Variants in ATP9A observed in about 807,000 individuals in gnomAD.
ATP9A encodes probable phospholipid-transporting ATPase IIA.
In ATP9A, 52 loss-of-function variants were observed where a neutral mutation model predicts 144.1. That is an observed-to-expected ratio of 0.36 (90% CI 0.29 to 0.45). The LOEUF (loss-of-function observed/expected upper bound fraction) is 0.45, where lower values mean the gene tolerates loss of function less well. ATP9A is among the 20% of genes least tolerant of loss of function. ATP9A has a pLI of 1.00. For missense variants in ATP9A, 947 were observed against 1,392.7 expected (o/e 0.68, Z 5.09); for synonymous variants, 582 against 557.4 (o/e 1.04, Z -0.62).
chr20:51,766,660 T>C (rs1200097054), intron 1 of ATP9A, among the ~76,000 whole-genome samples: 2 of 151,906 alleles, frequency 1.3e-5, no homozygotes, highest in Non-Finnish European at 2.9e-5. Flanking sequence ...GCCAAGATGG[T>C]GAAACCCCCG....
At chr20:51,659,905 CTT>C (rs2077404129) in intron 13 of ATP9A, among the ~76,000 whole-genome samples, 1 of 152,228 alleles carries the variant, frequency 6.6e-6, no homozygotes, top group Admixed American at 6.5e-5. Flanking sequence ...ACGAGTTTCA[CTT>C]CCAGGCCAAA....
intron 27 of ATP9A, 126 bp downstream of exon 27, chr20:51,604,691 G>GA: frequency 1.2e-6 from 1 of 813,098 alleles, no homozygotes; most frequent in Non-Finnish European, 1.8e-6. Context: ...AGCTGAGCGG[G>GA]AAGGACTGCT....
chr20:51,696,543 G>A (rs1568825236), intron 5 of ATP9A, among the ~76,000 whole-genome samples: 6 of 152,066 alleles, frequency 3.9e-5, no homozygotes, highest in Admixed American at 3.9e-4. Flanking sequence ...CCAGCTTGAT[G>A]TTTGGCTTTT....
At chr20:51,628,045 T>C (rs1383490176) in intron 16 of ATP9A, among the ~76,000 whole-genome samples, 1 of 152,188 alleles carries the variant, frequency 6.6e-6, no homozygotes, top group African/African-American at 2.4e-5. Context: ...CAATCAATGA[T>C]GGCTGAGGAG....
intron 3 of ATP9A, among the ~76,000 whole-genome samples, chr20:51,723,657 A>G (rs1050315383): frequency 6.7e-6 from 1 of 150,372 alleles, no homozygotes; most frequent in African/African-American, 2.4e-5. Flanking sequence ...CCCGGATTCA[A>G]GCGATTCTCC....
intron 9 of ATP9A, among the ~76,000 whole-genome samples, chr20:51,680,660 C>T (rs980728935): frequency 4.0e-5 from 6 of 151,896 alleles, no homozygotes; most frequent in African/African-American, 1.2e-4. Flanking sequence ...ACCTGTTAAC[C>T]GAGAGGCAAG....
chr20:51,660,466 C>G (rs2077406170), intron 13 of ATP9A, among the ~76,000 whole-genome samples: 2 of 152,330 alleles, frequency 1.3e-5, no homozygotes, highest in South Asian at 4.1e-4. Flanking sequence ...AGGAGACCAT[C>G]TGACAACGAA....
At chr20:51,725,721 G>T in intron 3 of ATP9A, 98 bp downstream of exon 3, 1 of 825,744 alleles carries the variant, frequency 1.2e-6, no homozygotes, top group Non-Finnish European at 2.0e-6. Context: ...TCCCTTACAA[G>T]GCCACCATCC....
intron 4 of ATP9A, 88 bp downstream of exon 4, chr20:51,712,878 G>A (rs539505556): frequency 2.9e-4 from 351 of 1,213,056 alleles, no homozygotes; most frequent in Non-Finnish European, 3.6e-4. Context: ...TCCCACACCT[G>A]CGGCCCGGGC....
chr20:51,672,593 G>A (rs1320156148), intron 11 of ATP9A, among the ~76,000 whole-genome samples: 6 of 152,096 alleles, frequency 3.9e-5, no homozygotes, highest in African/African-American at 1.4e-4. Flanking sequence ...TACACAAAAC[G>A]ACAATCTCTG....
chr20:51,709,157 C>T (rs1448138646), intron 4 of ATP9A, among the ~76,000 whole-genome samples: 1 of 152,170 alleles, frequency 6.6e-6, no homozygotes, highest in Non-Finnish European at 1.5e-5. Context: ...ATGTCTGCAA[C>T]TTGTCTCAAA....
At chr20:51,609,070 A>C (rs1410285587) in intron 24 of ATP9A, among the ~76,000 whole-genome samples, 1 of 151,928 alleles carries the variant, frequency 6.6e-6, no homozygotes, top group Non-Finnish European at 1.5e-5. Flanking sequence ...GGGAGAAGGA[A>C]CCACCAGTGC....
chr20:51,626,227 G>C lies in ATP9A; in HGVS notation c.1846-865C>G, dbSNP rs180912229. Among the ~76,000 whole-genome samples the C allele has an allele frequency of 3.4e-3, 515 of 152,340 alleles. 9 individuals carry two copies. Among genetic ancestry groups the C allele is most frequent in the Admixed American group, 0.03 (457 of 15,302 alleles). ...AGGGAGGCCGGGTGTGGTGGTTCAT[G>C]CCTGTAATCCCAGCACTCTAGAAGA... On this transcript the variant is annotated intron_variant, in intron 17 of 27. Transcript: ENST00000338821.
At position 51,596,995 on chromosome 20, in the gene ATP9A, G is replaced by A. The variant is rs1395907235; in HGVS notation, c.*4216C>T. 6.6e-6 allele frequency: 1 copy of A among 152,172 alleles called. No homozygotes were observed. Among genetic ancestry groups the A allele is most frequent in the African/African-American group, 2.4e-5 (1 of 41,434 alleles). 9.4% of individuals were successfully genotyped at this position (152,172 alleles called of 1,614,324 possible). A position where few individuals can be genotyped will look rare whatever the true frequency, so the allele number is the denominator to read the frequency against. On this transcript the variant is annotated 3_prime_UTR_variant, in exon 28 of 28. Coordinates refer to ENST00000338821, the MANE Select transcript of ATP9A (RefSeq NM_006045.3). ...GAAAATTTGCAATGAGGATTACAGA[G>A]AGAGAGATCAACCAATGAGGAAATC...
At position 51,729,858 on chromosome 20, in the gene ATP9A, G is replaced by C; in HGVS notation, c.189C>G (p.Tyr63Ter). 1 of 1,593,932 alleles carries C rather than the reference G, an allele frequency of 6.3e-7. No individual in the cohort carries two copies. The highest frequency in any genetic ancestry group is 8.5e-7 in the Non-Finnish European group (1 of 1,173,954). ...CCCCAGGAAGAAAGGTGAAGAAATT[G>C]TACTTCTGATTGTTGATGACATTCC... is the stretch of plus-strand genomic sequence containing the variant. ...YPRNVINNQKYNFFTFLPGVL... is the reference protein window; with the variant it reads ...YPRNVINNQK The change falls in exon 2 of 28, where the codon TAC (tyrosine) becomes TAG (stop). Residue 63 changes from tyrosine to a stop codon, truncating the protein, a stop_gained. Coordinates refer to ENST00000338821, the MANE Select transcript of ATP9A (RefSeq NM_006045.3). LOFTEE classifies it high-confidence loss of function.
At chr20:51,736,639 G>C (rs548645095) in intron 1 of ATP9A, among the ~76,000 whole-genome samples, 246 of 152,196 alleles carry the variant, frequency 1.6e-3, no homozygotes, top group Non-Finnish European at 3.1e-3. Context: ...ACAGGCGGGA[G>C]CCACCGCGCC....
intron 1 of ATP9A, among the ~76,000 whole-genome samples, chr20:51,757,829 C>A (rs562329245): frequency 6.6e-6 from 1 of 151,914 alleles, no homozygotes; most frequent in Non-Finnish European, 1.5e-5. Flanking sequence ...TTGTTTGAAC[C>A]CAGGAGGCTG....
At chr20:51,684,327 C>A (rs975456518) in intron 9 of ATP9A, among the ~76,000 whole-genome samples, 1 of 152,176 alleles carries the variant, frequency 6.6e-6, no homozygotes, top group Non-Finnish European at 1.5e-5. Context: ...ACAATTCTTA[C>A]AAATTATTTT....
At chr20:51,658,888 C>CCGGGG (rs796375461) in intron 13 of ATP9A, among the ~76,000 whole-genome samples, 1 of 54,828 alleles carries the variant, frequency 1.8e-5, no homozygotes, top group Admixed American at 2.3e-4. Flanking sequence ...AGACCACTGG[C>CCGGGG]GGGGGGGGGG....
Sources: allele counts gnomAD v4.1 joint callset (sites outside exome capture counted in the v4.1 genomes callset), GRCh38; gene constraint gnomAD v4.1.1; transcripts MANE v1.5; gene names NCBI Gene and HGNC (gene_info 2026-07-23, HGNC 2026-07-21).